ANK2: variants seen among roughly 807,000 people sequenced by gnomAD.
ANK2 encodes the protein ankyrin 2, also known as ankyrin-2.
ANK2 carries 83 observed loss-of-function variants against 360.5 expected under a neutral mutation model. The ratio of observed to expected loss-of-function variants is 0.23; its 90% CI spans 0.19 to 0.28. The LOEUF is 0.28. Ranked by LOEUF, ANK2 falls within the 10% of genes least tolerant of loss-of-function variation. ANK2 has a pLI of 1.00. For synonymous variants in ANK2, 1,740 were observed against 1,759.5 expected (o/e 0.99, Z 0.28); for missense variants, 4,201 against 4,795.7 (o/e 0.88, Z 3.66).
rs995821604 is a variant in ANK2, at chr4:113,271,502, A to G, written c.1486-2950A>G. On this transcript the variant is annotated intron_variant, in intron 14 of 45. Transcript: ENST00000357077. Reference sequence around the variant, plus strand: ...CAGACACACACACACACACACACACACTTTTGGAAACTTCCTCTCTAAACC... The same window carrying G: ...CAGACACACACACACACACACACACGCTTTTGGAAACTTCCTCTCTAAACC... Among the ~76,000 whole-genome samples the G allele has an allele frequency of 1.5e-4, 23 of 151,478 alleles. 1 individual carries two copies. The highest frequency in any genetic ancestry group is 1.5e-5 in the Non-Finnish European group (1 of 67,840).
chr4:112,932,011 T>G (rs2093287867), intron 2 of ANK2, among the ~76,000 whole-genome samples: 1 of 152,194 alleles, frequency 6.6e-6, no homozygotes, highest in South Asian at 2.1e-4. Context: ...GTGCTCCTAC[T>G]TTTAAGAACT....
At chr4:112,857,210 G>A (rs746124354) in intron 1 of ANK2, among the ~76,000 whole-genome samples, 1 of 151,596 alleles carries the variant, frequency 6.6e-6, no homozygotes, top group Non-Finnish European at 1.5e-5. Context: ...AGTAGGAGGA[G>A]AAAAAAAAGT....
chr4:113,274,633 A>G lies in ANK2; in HGVS notation c.1667A>G (p.His556Arg), dbSNP rs749342854. Residue 556 changes from histidine to arginine, a missense_variant, in exon 15 of 46, where the codon CAC becomes CGC. By Grantham distance (29) the His-to-Arg change is conservative. Coordinates refer to ENST00000357077, the MANE Select transcript of ANK2 (RefSeq NM_001148.6). ...ASVLLEAGAAHSLATKKGFTP... is the reference protein window; with the variant it reads ...ASVLLEAGAARSLATKKGFTP... ...GTCCTATTGGAAGCAGGAGCAGCCC[A>G]CTCCTTAGCTACCAAGGTAAGGAGA... The G allele has an allele frequency of 8.1e-6, 13 of 1,614,076 alleles. No individual in the cohort carries two copies. In the East Asian group the frequency reaches 2.7e-4, roughly 33 times the overall value.
intron 2 of ANK2, among the ~76,000 whole-genome samples, chr4:113,009,925 T>TACACACACACACACACACACAC (rs3028929): frequency 0.02 from 3,033 of 149,578 alleles, 108 homozygotes; most frequent in African/African-American, 0.07. Context: ...TTGTTGAGAG[T>TACACACACACACACACACACAC]ACACACACAC....
intron 2 of ANK2, among the ~76,000 whole-genome samples, chr4:112,912,919 T>A (rs2088192786): frequency 6.6e-6 from 1 of 152,030 alleles, no homozygotes; most frequent in Non-Finnish European, 1.5e-5. Context: ...TAGGAAGACA[T>A]GATGTAATGA....
At chr4:112,777,907 C>T in the ANK2 span, among the ~76,000 whole-genome samples, 3,230 of 150,894 alleles carry the variant, frequency 0.021, 114 homozygotes, top group African/African-American at 0.074. Context: ...CTTGAGCCAC[C>T]GCGCCCGGCT....
intron 2 of ANK2, among the ~76,000 whole-genome samples, chr4:112,912,099 C>A (rs895922770): frequency 6.6e-6 from 1 of 152,024 alleles, no homozygotes; most frequent in Admixed American, 6.6e-5. Flanking sequence ...ATGGTGTGGA[C>A]CCCGGAGGTG....
chr4:112,871,947 CT>C (rs2073199826), intron 1 of ANK2, among the ~76,000 whole-genome samples: 1 of 151,766 alleles, frequency 6.6e-6, no homozygotes, highest in Admixed American at 6.6e-5. Context: ...ATAGACTCCA[CT>C]CGGTTGTGAT....
intron 1 of ANK2, among the ~76,000 whole-genome samples, chr4:113,116,035 C>T (rs2094733430): frequency 6.6e-6 from 1 of 152,092 alleles, no homozygotes; most frequent in African/African-American, 2.4e-5. Flanking sequence ...TCCTATTAGA[C>T]CTCGATAAAA....
At chr4:112,766,414 T>C in the ANK2 span, among the ~76,000 whole-genome samples, 1 of 152,180 alleles carries the variant, frequency 6.6e-6, no homozygotes, top group Non-Finnish European at 1.5e-5. Context: ...TTCACAAAAG[T>C]TAACTATTTT....
chr4:112,903,039 T>C (rs951840678), intron 1 of ANK2, among the ~76,000 whole-genome samples: 1 of 151,990 alleles, frequency 6.6e-6, no homozygotes, highest in Non-Finnish European at 1.5e-5. Flanking sequence ...AGAGAGAGAG[T>C]GAAAACCCTC....
At chr4:113,381,334 G>A (rs1203573049) in intron 45 of ANK2, 123 bp from the exon 46 acceptor site, 2 of 1,027,240 alleles carry the variant, frequency 1.9e-6, no homozygotes, top group Non-Finnish European at 3.0e-6. Flanking sequence ...TATGCTAATA[G>A]TTTGCTGTGG....
At chr4:113,040,055 G>A (rs1356046798) in intron 2 of ANK2, among the ~76,000 whole-genome samples, 1 of 151,900 alleles carries the variant, frequency 6.6e-6, no homozygotes, top group East Asian at 1.9e-4. Context: ...TCAAGGACAC[G>A]ACCTGCCCCA....
chr4:112,739,815 C>T, the ANK2 span, among the ~76,000 whole-genome samples: 1 of 151,968 alleles, frequency 6.6e-6, no homozygotes, highest in East Asian at 1.9e-4. Flanking sequence ...AGACCAAGAC[C>T]AGGCTAGGCA....
In ANK2 at chr4:113,196,477, T is replaced by C. The variant is rs1178304336; in HGVS notation, c.285+11T>C. Reference sequence around the variant, plus strand: ...GATTCTGCCACTAAGGTAACATTTATGTTGGTAGAACATTTTTTTCCTTAG... The same window carrying C: ...GATTCTGCCACTAAGGTAACATTTACGTTGGTAGAACATTTTTTTCCTTAG... On this transcript the variant is annotated intron_variant, in intron 3 of 45. Coordinates refer to ENST00000357077, the MANE Select transcript of ANK2 (RefSeq NM_001148.6). 2.5e-6 allele frequency: 4 copies of C among 1,604,352 alleles called. No homozygotes were observed. The highest frequency in any genetic ancestry group is 3.4e-6 in the Non-Finnish European group (4 of 1,172,584).
At position 113,353,177 on chromosome 4, in the gene ANK2, T is replaced by G; in HGVS notation, c.4559T>G (p.Ile1520Ser). 1 of 1,614,086 alleles carries G rather than the reference T, an allele frequency of 6.2e-7. No individual in the cohort carries two copies. Among genetic ancestry groups the G allele is most frequent in the East Asian group, 2.2e-5 (1 of 44,882 alleles). ...CAAGATTTGATCAAAATGACCGCCA[T>G]CTTGACCACAGATGTGTCTGATAAG... ...MKQDLIKMTAILTTDVSDKAG... is the reference protein window; with the variant it reads ...MKQDLIKMTASLTTDVSDKAG... Residue 1520 changes from isoleucine to serine, a missense_variant, in exon 38 of 46, where the codon ATC (isoleucine) becomes AGC (serine). Coordinates refer to ENST00000357077, the MANE Select transcript of ANK2 (RefSeq NM_001148.6).
chr4:112,883,667 A>G (rs2077429569), intron 1 of ANK2, among the ~76,000 whole-genome samples: 1 of 151,994 alleles, frequency 6.6e-6, no homozygotes, highest in Non-Finnish European at 1.5e-5. Context: ...ACTTTAAAAA[A>G]GCTAAAATTT....
intron 2 of ANK2, among the ~76,000 whole-genome samples, chr4:113,035,345 A>G (rs2061362447): frequency 6.6e-6 from 1 of 151,872 alleles, no homozygotes; most frequent in Non-Finnish European, 1.5e-5. Context: ...GTAGTTTGCC[A>G]TTTTTAGAAA....
chr4:113,375,981 T>G (rs1487685865), intron 45 of ANK2, among the ~76,000 whole-genome samples: 1 of 152,220 alleles, frequency 6.6e-6, no homozygotes, highest in African/African-American at 2.4e-5. Flanking sequence ...TATTATATAG[T>G]ACAGTCATGC....
Sources: allele counts gnomAD v4.1 joint callset (sites outside exome capture counted in the v4.1 genomes callset), GRCh38; gene constraint gnomAD v4.1.1; transcripts MANE v1.5; gene names NCBI Gene and HGNC (gene_info 2026-07-23, HGNC 2026-07-21).